MAGI3: variants seen among roughly 807,000 people sequenced by gnomAD.
The protein encoded by MAGI3 is membrane associated guanylate kinase, WW and PDZ domain containing 3.
A neutral mutation model predicts 121.8 loss-of-function variants in MAGI3; 43 were observed. That is an observed-to-expected ratio of 0.35 (90% CI 0.28 to 0.46). MAGI3 has a LOEUF of 0.46. MAGI3 is among the 20% of genes least tolerant of loss of function. The probability of loss-of-function intolerance (pLI) is 1.00; values close to 1 mark genes in which losing one functional copy is unlikely to be tolerated. For missense variants in MAGI3, 1,547 were observed against 1,797.3 expected, an observed-to-expected ratio of 0.86 and a Z score of 2.52; for synonymous variants, 553 against 639.3, an observed-to-expected ratio of 0.86 and a Z score of 2.04.
intron 16 of MAGI3, among the ~76,000 whole-genome samples, chr1:113,670,003 CA>C (rs11302295): frequency 0.69 from 58,866 of 85,216 alleles, 19,159 homozygotes; most frequent in African/African-American, 0.77. Flanking sequence ...TCCAGGTCTC[CA>C]AAAAAAAAAA....
intron 1 of MAGI3, among the ~76,000 whole-genome samples, chr1:113,547,200 G>C (rs1381497826): frequency 6.6e-6 from 1 of 151,184 alleles, no homozygotes; most frequent in Non-Finnish European, 1.5e-5. Context: ...TAATTTAATG[G>C]TTGTTATTTT....
chr1:113,421,292 T>A (rs919189651), intron 1 of MAGI3, among the ~76,000 whole-genome samples: 2 of 152,200 alleles, frequency 1.3e-5, no homozygotes, highest in Non-Finnish European at 2.9e-5. Context: ...CAATGTCAAG[T>A]TAAAAATTTT....
chr1:113,455,951 C>G (rs531680939), intron 1 of MAGI3, among the ~76,000 whole-genome samples: 3 of 150,930 alleles, frequency 2.0e-5, no homozygotes, highest in Admixed American at 2.0e-4. Context: ...TTTCTTTTTT[C>G]TCTCTCTTTT....
At chr1:113,626,567 G>C (rs1265280003) in intron 9 of MAGI3, among the ~76,000 whole-genome samples, 1 of 152,148 alleles carries the variant, frequency 6.6e-6, no homozygotes, top group Non-Finnish European at 1.5e-5. Context: ...GAATTCAGCA[G>C]TAAAGCCATC....
At chr1:113,627,619 A>G (rs1651325009) in intron 9 of MAGI3, among the ~76,000 whole-genome samples, 1 of 148,482 alleles carries the variant, frequency 6.7e-6, no homozygotes, top group Admixed American at 6.7e-5. Context: ...TATAAAATAT[A>G]TAATTGTAAT....
At chr1:113,633,024 G>T (rs552695861) in intron 9 of MAGI3, among the ~76,000 whole-genome samples, 2 of 147,820 alleles carry the variant, frequency 1.4e-5, no homozygotes, top group South Asian at 2.2e-4. Context: ...TTTAGCATTA[G>T]GTATATCTCC....
At chr1:113,421,202 C>T (rs148742288) in intron 1 of MAGI3, among the ~76,000 whole-genome samples, 1 of 152,096 alleles carries the variant, frequency 6.6e-6, no homozygotes, top group East Asian at 1.9e-4. Flanking sequence ...AAAAAATTTC[C>T]ATGGTTTCTG....
rs1255987270 is a variant in MAGI3, at chr1:113,670,925, C to T, written c.2816-809C>T. On this transcript the variant is annotated intron_variant, in intron 16 of 20. Coordinates refer to ENST00000307546, the MANE Select transcript of MAGI3 (RefSeq NM_001142782.2). ...TCATTAAGCTGTGCTCCCTCTGATA[C>T]TTTAAATATCCTATGCTTTTATATT... is the stretch of plus-strand genomic sequence containing the variant. Among the ~76,000 whole-genome samples the T allele has an allele frequency of 6.6e-5, 10 of 152,328 alleles. 1 individual carries two copies. The highest frequency in any genetic ancestry group is 6.5e-4 in the Admixed American group (10 of 15,300).
chr1:113,569,107 A>T (rs1007543885), intron 2 of MAGI3, among the ~76,000 whole-genome samples: 1 of 152,186 alleles, frequency 6.6e-6, no homozygotes, highest in African/African-American at 2.4e-5. Flanking sequence ...AACTCAGGTT[A>T]TACTAGTTTC....
intron 2 of MAGI3, among the ~76,000 whole-genome samples, chr1:113,560,786 A>G (rs1660202157): frequency 6.6e-6 from 1 of 152,324 alleles, no homozygotes; most frequent in South Asian, 2.1e-4. Context: ...ACTGAAGCAG[A>G]CAGAGACATG....
chr1:113,571,168 GT>G, intron 2 of MAGI3, among the ~76,000 whole-genome samples: 1 of 152,264 alleles, frequency 6.6e-6, no homozygotes, highest in African/African-American at 2.4e-5. Context: ...CCCATTTCTT[GT>G]TTTTGTCAGG....
intron 20 of MAGI3, chr1:113,682,160 A>ATTT (rs11438160): frequency 0.014 from 19,640 of 1,397,890 alleles, 34 homozygotes; most frequent in South Asian, 0.021. Flanking sequence ...AACTGCACTG[A>ATTT]TTTTTTTTTT....
intron 2 of MAGI3, among the ~76,000 whole-genome samples, chr1:113,560,048 T>C (rs2101685993): frequency 6.6e-6 from 1 of 152,292 alleles, no homozygotes; most frequent in East Asian, 1.9e-4. Flanking sequence ...TACAGAACTC[T>C]CCACCCCAAA....
At chr1:113,451,470 T>G (rs1318361206) in intron 1 of MAGI3, among the ~76,000 whole-genome samples, 2 of 152,218 alleles carry the variant, frequency 1.3e-5, no homozygotes, top group Non-Finnish European at 2.9e-5. Context: ...ACTCCCTACA[T>G]ATGCAGTTTT....
chr1:113,550,121 A>C (rs1659706111), intron 2 of MAGI3, among the ~76,000 whole-genome samples: 1 of 149,232 alleles, frequency 6.7e-6, no homozygotes, highest in Non-Finnish European at 1.5e-5. Flanking sequence ...GTCTAAAAAA[A>C]AAAAAAAGGC....
intron 1 of MAGI3, among the ~76,000 whole-genome samples, chr1:113,508,834 A>T (rs541247380): frequency 7.6e-4 from 116 of 152,078 alleles, no homozygotes; most frequent in Admixed American, 2.6e-3. Flanking sequence ...GATTTTTTTA[A>T]AAAAAAAACT....
At chr1:113,587,965 C>G (rs564323569) in intron 4 of MAGI3, among the ~76,000 whole-genome samples, 62 of 152,250 alleles carry the variant, frequency 4.1e-4, no homozygotes, top group Admixed American at 1.8e-3. Context: ...TGAGCACTTA[C>G]TAGAATACTA....
At chr1:113,455,928 A>G (rs552358520) in intron 1 of MAGI3, among the ~76,000 whole-genome samples, 5 of 150,310 alleles carry the variant, frequency 3.3e-5, no homozygotes, top group African/African-American at 1.2e-4. Flanking sequence ...TAGTCAAATA[A>G]CCTCTTCCGT....
chr1:113,656,957 G>C (rs1445550487), intron 15 of MAGI3, among the ~76,000 whole-genome samples: 1 of 152,150 alleles, frequency 6.6e-6, no homozygotes, highest in Non-Finnish European at 1.5e-5. Context: ...TGCTTTACTA[G>C]TACTTCAGAG....
Sources: allele counts gnomAD v4.1 joint callset (sites outside exome capture counted in the v4.1 genomes callset), GRCh38; gene constraint gnomAD v4.1.1; transcripts MANE v1.5; gene names NCBI Gene and HGNC (gene_info 2026-07-23, HGNC 2026-07-21).